The following NRG2 variants were observed in gnomAD, a reference collection of about 807,000 sequenced individuals.
NRG2 encodes the protein pro-neuregulin-2, membrane-bound isoform.
Under a neutral mutation model 73.9 loss-of-function variants are expected in NRG2, and 27 were observed. That is an observed-to-expected ratio of 0.37 (90% CI 0.27 to 0.50). The LOEUF is 0.50. Among genes scored for constraint, NRG2 ranks in the 20% least tolerant of loss-of-function variants. NRG2 has a pLI of 0.96. For missense variants in NRG2, 1,126 were observed against 1,210.1 expected, an observed-to-expected ratio of 0.93 and a Z score of 1.03; for synonymous variants, 532 against 541.0, an observed-to-expected ratio of 0.98 and a Z score of 0.23.
At chr5:139,946,939 G>A (rs1056749380) in intron 1 of NRG2, among the ~76,000 whole-genome samples, 21 of 151,590 alleles carry the variant, frequency 1.4e-4, no homozygotes, top group African/African-American at 4.6e-4. Flanking sequence ...ATCACTAATC[G>A]TTAGGGAAAC....
intron 1 of NRG2, among the ~76,000 whole-genome samples, chr5:139,961,613 G>A (rs1055484505): frequency 6.6e-6 from 1 of 152,144 alleles, no homozygotes; most frequent in African/African-American, 2.4e-5. Context: ...GATGCTGCAG[G>A]TCCCTCCCTC....
At chr5:140,009,809 G>A (rs554404836) in intron 1 of NRG2, among the ~76,000 whole-genome samples, 8 of 152,184 alleles carry the variant, frequency 5.3e-5, no homozygotes, top group Non-Finnish European at 5.9e-5. Context: ...ATGAAAAGAC[G>A]TAGAGGAAAC....
At chr5:139,886,771 C>A (rs1466823646) in intron 2 of NRG2, among the ~76,000 whole-genome samples, 1 of 152,220 alleles carries the variant, frequency 6.6e-6, no homozygotes, top group East Asian at 1.9e-4. Context: ...TGATTCACTT[C>A]CCTGGAGCAC....
intron 1 of NRG2, among the ~76,000 whole-genome samples, chr5:140,030,471 C>T (rs1311130337): frequency 2.6e-5 from 4 of 152,186 alleles, no homozygotes; most frequent in Non-Finnish European, 4.4e-5. Context: ...GCAAAGCCCA[C>T]ATTGTCTGTG....
At chr5:140,026,947 ATGTT>A (rs1441629832) in intron 1 of NRG2, among the ~76,000 whole-genome samples, 1 of 152,172 alleles carries the variant, frequency 6.6e-6, no homozygotes, top group Non-Finnish European at 1.5e-5. Flanking sequence ...GCCTCGAAGA[ATGTT>A]TGAGACAAAC....
chr5:139,860,126 G>C (rs771766000), intron 5 of NRG2, among the ~76,000 whole-genome samples: 1 of 152,138 alleles, frequency 6.6e-6, no homozygotes, highest in Non-Finnish European at 1.5e-5. Flanking sequence ...CCCAAGGAGG[G>C]TAGAGAGAGA....
At chr5:139,996,859 C>T (rs969102535) in intron 1 of NRG2, among the ~76,000 whole-genome samples, 60 of 151,810 alleles carry the variant, frequency 4.0e-4, no homozygotes, top group Non-Finnish European at 5.0e-4. Context: ...GGTGGCCAGA[C>T]GTGGTGGCTC....
intron 1 of NRG2, among the ~76,000 whole-genome samples, chr5:139,901,991 T>C (rs1328452532): frequency 2.0e-5 from 3 of 152,170 alleles, no homozygotes; most frequent in Admixed American, 6.5e-5. Context: ...GCCCTTCTCA[T>C]ATAGAAGGTG....
intron 1 of NRG2, among the ~76,000 whole-genome samples, chr5:140,014,451 G>A (rs1759615304): frequency 6.6e-6 from 1 of 152,014 alleles, no homozygotes; most frequent in Non-Finnish European, 1.5e-5. Flanking sequence ...TGCCCAGGCT[G>A]GTCTCAAACT....
chr5:139,857,182 C>T (rs1761863022), intron 5 of NRG2, among the ~76,000 whole-genome samples: 1 of 152,224 alleles, frequency 6.6e-6, no homozygotes, highest in South Asian at 2.1e-4. Flanking sequence ...GCTGACCTGT[C>T]TCTGTCTTAG....
At chr5:139,875,090 C>T (rs1336354459) in intron 3 of NRG2, among the ~76,000 whole-genome samples, 1 of 152,222 alleles carries the variant, frequency 6.6e-6, no homozygotes, top group African/African-American at 2.4e-5. Context: ...CAGCTCACTG[C>T]AACCTCTGCC....
chr5:139,854,686 A>G (rs1435030285), intron 6 of NRG2, among the ~76,000 whole-genome samples: 1 of 152,226 alleles, frequency 6.6e-6, no homozygotes, highest in Non-Finnish European at 1.5e-5. Context: ...AGTCCAGACC[A>G]GGGGCTCAGT....
chr5:139,931,485 G>A (rs1337825709), intron 1 of NRG2, among the ~76,000 whole-genome samples: 2 of 152,138 alleles, frequency 1.3e-5, no homozygotes, highest in African/African-American at 2.4e-5. Context: ...CCCCTGGTCC[G>A]AGGCTACAAG....
At chr5:139,848,775 G>GGGGGGCT in intron 9 of NRG2, 78 bp from the exon 10 acceptor site, 1 of 601,720 alleles carries the variant, frequency 1.7e-6, no homozygotes, top group East Asian at 4.9e-5. Context: ...GTGGGGTAGG[G>GGGGGGCT]TGGGAGGGGC....
At position 139,854,939 on chromosome 5, in the gene NRG2, C is replaced by T. The variant is rs1021448505; in HGVS notation, c.1292+737G>A. On this transcript the variant is annotated intron_variant, in intron 6 of 9. Transcript: ENST00000361474. ...CCAGCTATTCTTTTAGACTCATGCC[C>T]GCTTTTTTCCTGTCCCTGGCCCTTT... is the stretch of plus-strand genomic sequence containing the variant. Among the ~76,000 whole-genome samples, 9 of 152,312 alleles carry T rather than the reference C, an allele frequency of 5.9e-5. No homozygotes were observed. The East Asian group carries it at 9.7e-4, about 16-fold the overall frequency.
chr5:139,873,555 C>T (rs1378935063), intron 3 of NRG2, among the ~76,000 whole-genome samples: 1 of 152,262 alleles, frequency 6.6e-6, no homozygotes, highest in East Asian at 1.9e-4. Context: ...GGGCTCCTAG[C>T]CCCTGGCTGT....
At chr5:140,012,985 A>G (rs192114492) in intron 1 of NRG2, among the ~76,000 whole-genome samples, 92 of 152,246 alleles carry the variant, frequency 6.0e-4, no homozygotes, top group African/African-American at 2.0e-3. Context: ...TGACAATCAT[A>G]CTGTACCTCC....
chr5:139,975,165 A>G (rs1168577858), intron 1 of NRG2, among the ~76,000 whole-genome samples: 2 of 152,144 alleles, frequency 1.3e-5, no homozygotes, highest in Non-Finnish European at 2.9e-5. Flanking sequence ...TCTTGGAATC[A>G]CTCAGCCAAT....
At chr5:139,878,717 A>G (rs1763341209) in intron 3 of NRG2, among the ~76,000 whole-genome samples, 1 of 152,238 alleles carries the variant, frequency 6.6e-6, no homozygotes, top group African/African-American at 2.4e-5. Context: ...CCCCAAATCC[A>G]AAGTGGATCT....
Sources: gnomAD v4.1 joint callset for allele counts (sites outside exome capture counted in the v4.1 genomes callset) on GRCh38, gnomAD v4.1.1 for gene constraint, MANE v1.5 for transcripts, NCBI Gene and HGNC (gene_info 2026-07-23, HGNC 2026-07-21) for gene names.